UPF3B: variants seen among roughly 807,000 people sequenced by gnomAD.
UPF3B encodes regulator of nonsense transcripts 3B.
Under a neutral mutation model 40.3 loss-of-function variants are expected in UPF3B, and 7 were observed. The ratio of observed to expected loss-of-function variants is 0.17; its 90% CI spans 0.10 to 0.33. UPF3B has a LOEUF of 0.33. Ranked by LOEUF, UPF3B falls within the 10% of genes least tolerant of loss-of-function variation. UPF3B has a pLI of 1.00. For synonymous variants in UPF3B, 117 were observed against 117.3 expected (o/e 1.00, Z 0.01); for missense variants, 229 against 358.9 (o/e 0.64, Z 2.93).
At chrX:119,847,469 CAA>C (rs2056249218) in intron 3 of UPF3B, among the ~76,000 whole-genome samples, 1 of 109,876 alleles carries the variant, frequency 9.1e-6, no homozygotes, top group Admixed American at 9.8e-5. Flanking sequence ...CAAAACAAAA[CAA>C]AAAAGAACTA....
intron 5 of UPF3B, 57 bp from the exon 6 acceptor site, chrX:119,841,835 A>G (rs45523943): frequency 0.04 from 40,826 of 1,024,049 alleles, 696 homozygotes; most frequent in Middle Eastern, 0.048. Context: ...AAACGATTCC[A>G]TTTTCTGACA....
chrX:119,851,428 G>T, intron 3 of UPF3B, 67 bp downstream of exon 3: 1 of 794,044 alleles, frequency 1.3e-6, no homozygotes, highest in Non-Finnish European at 1.9e-6. Context: ...GCAACGCAAT[G>T]CACGAGTTGT....
chrX:119,814,311 G>A (rs998228596), intron 5 of UPF3B, among the ~76,000 whole-genome samples: 40 of 111,807 alleles, frequency 3.6e-4, no homozygotes, highest in African/African-American at 1.2e-3. Flanking sequence ...AAAAAATGCT[G>A]GAGACAAAAC....
chrX:119,819,999 T>C (rs933107091), intron 4 of UPF3B, among the ~76,000 whole-genome samples: 1 of 110,263 alleles, frequency 9.1e-6, no homozygotes, highest in African/African-American at 3.3e-5. Context: ...AGCCCGCCAC[T>C]GTGCCTGGCT....
intron 4 of UPF3B, among the ~76,000 whole-genome samples, chrX:119,817,678 TA>T (rs1313366620): frequency 8.9e-6 from 1 of 112,078 alleles, no homozygotes; most frequent in African/African-American, 3.2e-5. Context: ...ACTAACTCGT[TA>T]AAAAATATCT....
At chrX:119,826,835 T>C (rs10429780) in intron 3 of UPF3B, among the ~76,000 whole-genome samples, 4,776 of 111,800 alleles carry the variant, frequency 0.043, 248 homozygotes, top group African/African-American at 0.14. Context: ...ATCAAAACAA[T>C]GACTCCAAAG....
At chrX:119,809,446 C>T (rs2055814508) in intron 5 of UPF3B, among the ~76,000 whole-genome samples, 1 of 112,145 alleles carries the variant, frequency 8.9e-6, no homozygotes, top group African/African-American at 3.2e-5. Context: ...GAGGGCTGGG[C>T]ATGGTGACTC....
intron 5 of UPF3B, among the ~76,000 whole-genome samples, chrX:119,810,375 T>C (rs1255877585): frequency 8.9e-6 from 1 of 112,130 alleles, no homozygotes; most frequent in Non-Finnish European, 1.9e-5. Flanking sequence ...GAAGCATCTA[T>C]TGGGAAAGTG....
intron 5 of UPF3B, among the ~76,000 whole-genome samples, chrX:119,812,516 A>G (rs1335432846): frequency 3.6e-5 from 4 of 111,511 alleles, no homozygotes; most frequent in East Asian, 5.7e-4. Context: ...GTCAGGCATC[A>G]TAATTGACCA....
intron 3 of UPF3B, among the ~76,000 whole-genome samples, chrX:119,826,833 A>G: frequency 8.9e-6 from 1 of 112,017 alleles, no homozygotes; most frequent in African/African-American, 3.2e-5. Flanking sequence ...CTATCAAAAC[A>G]ATGACTCCAA....
intron 3 of UPF3B, among the ~76,000 whole-genome samples, chrX:119,848,213 C>T (rs748495828): frequency 3.8e-4 from 35 of 91,539 alleles, no homozygotes; most frequent in Middle Eastern, 6.9e-3. Flanking sequence ...ACCCAGGAAG[C>T]GGAGGTTGCA....
chrX:119,852,439 T>C (rs187536920), intron 1 of UPF3B, among the ~76,000 whole-genome samples: 8 of 112,043 alleles, frequency 7.1e-5, no homozygotes, highest in Middle Eastern at 4.6e-3. Flanking sequence ...CCATCCCTCA[T>C]GTCTCCTTCA....
At chrX:119,836,763 G>C (rs2056098351) in intron 10 of UPF3B, among the ~76,000 whole-genome samples, 1 of 106,737 alleles carries the variant, frequency 9.4e-6, no homozygotes, top group South Asian at 4.2e-4. Flanking sequence ...CCATTTTCCT[G>C]CCTCAGCCTC....
chrX:119,844,847 C>T (rs2056208364), intron 4 of UPF3B, among the ~76,000 whole-genome samples: 1 of 112,176 alleles, frequency 8.9e-6, no homozygotes, highest in Non-Finnish European at 1.9e-5. Context: ...AGATGATCCG[C>T]CCGCCTTGGC....
At chrX:119,829,825 C>T (rs2056018527), downstream of UPF3B, among the ~76,000 whole-genome samples, 1 of 111,620 alleles carries the variant, frequency 9.0e-6, no homozygotes, top group African/African-American at 3.3e-5. Flanking sequence ...CATCCATTTC[C>T]CACCTGCCAT....
Position 119,823,238 on chromosome X carries a change from T to C in UPF3B, c.393-195A>G, listed in dbSNP as rs926366602. Among the ~76,000 whole-genome samples, 5 of 111,473 alleles carry C rather than the reference T, an allele frequency of 4.5e-5. No homozygotes were observed. In the Admixed American group the frequency reaches 4.8e-4, roughly 11 times the overall value. On this transcript the variant is annotated intron_variant, in intron 3 of 6. Coordinates refer to the UPF3B transcript ENST00000636792. The stretch of plus-strand genomic sequence containing the variant: ...AGAAAAGCAACCATTTCCTAATTAT[T>C]ATTTTTTATGTCTGGTTAAATTTAT...
intron 1 of UPF3B, 39 bp downstream of exon 1, chrX:119,852,734 T>C: frequency 8.3e-7 from 1 of 1,211,679 alleles, no homozygotes; most frequent in South Asian, 1.8e-5. Flanking sequence ...CGCTGCGGAC[T>C]CGTCCCGCCC....
At chrX:119,812,909 A>G (rs373968758) in intron 5 of UPF3B, among the ~76,000 whole-genome samples, 5 of 110,649 alleles carry the variant, frequency 4.5e-5, no homozygotes, top group African/African-American at 1.6e-4. Flanking sequence ...TCCAGTGAAC[A>G]CTTCCATTTC....
intron 3 of UPF3B, among the ~76,000 whole-genome samples, chrX:119,846,469 A>G (rs1288900333): frequency 9.5e-6 from 1 of 105,791 alleles, no homozygotes; most frequent in East Asian, 2.9e-4. Context: ...CGGAGGTTGC[A>G]GTAAGCTGAG....
Sources: allele counts gnomAD v4.1 joint callset (sites outside exome capture counted in the v4.1 genomes callset), GRCh38; gene constraint gnomAD v4.1.1; transcripts MANE v1.5; gene names NCBI Gene and HGNC (gene_info 2026-07-23, HGNC 2026-07-21).